The following ITGBL1 variants were observed in gnomAD, a reference collection of about 807,000 sequenced individuals.
The protein encoded by ITGBL1 is integrin subunit beta like 1.
In ITGBL1, 51 loss-of-function variants were observed where a neutral mutation model predicts 68.5. The ratio of observed to expected loss-of-function variants is 0.74; its 90% CI spans 0.59 to 0.94. The LOEUF (loss-of-function observed/expected upper bound fraction) is 0.94, where lower values mean the gene tolerates loss of function less well. Ranked by LOEUF, ITGBL1 falls within the 40% of genes least tolerant of loss-of-function variation. ITGBL1 has a pLI of 0.00. For missense variants in ITGBL1, 649 were observed against 647.4 expected, an observed-to-expected ratio of 1.00 and a Z score of -0.03; for synonymous variants, 209 against 227.3, an observed-to-expected ratio of 0.92 and a Z score of 0.72.
chr13:101,544,926 C>A (rs1171095069), intron 2 of ITGBL1, among the ~76,000 whole-genome samples: 1 of 152,178 alleles, frequency 6.6e-6, no homozygotes, highest in Non-Finnish European at 1.5e-5. Context: ...GGAAAAGTGA[C>A]CCGATTTTCC....
chr13:101,459,250 T>TG (rs1300569059), intron 2 of ITGBL1, among the ~76,000 whole-genome samples: 2 of 152,336 alleles, frequency 1.3e-5, no homozygotes, highest in East Asian at 3.9e-4. Flanking sequence ...ATTGTTAACG[T>TG]GGGTTAACTT....
chr13:101,693,783 C>T (rs1222306567), intron 8 of ITGBL1, among the ~76,000 whole-genome samples: 1 of 152,140 alleles, frequency 6.6e-6, no homozygotes, highest in Non-Finnish European at 1.5e-5. Context: ...TCTTTCCTTT[C>T]TCTGTGAGTT....
chr13:101,652,722 T>G (rs2032789314), intron 7 of ITGBL1, among the ~76,000 whole-genome samples: 1 of 152,188 alleles, frequency 6.6e-6, no homozygotes, highest in African/African-American at 2.4e-5. Context: ...GTTCAAGAAG[T>G]GTTTCCTCAG....
At chr13:101,662,878 T>C (rs779348752) in intron 7 of ITGBL1, among the ~76,000 whole-genome samples, 1 of 152,182 alleles carries the variant, frequency 6.6e-6, no homozygotes, top group Non-Finnish European at 1.5e-5. Flanking sequence ...TCCATGATTT[T>C]TTGACTATTC....
At chr13:101,577,930 G>A (rs552270665) in intron 4 of ITGBL1, among the ~76,000 whole-genome samples, 144 of 152,204 alleles carry the variant, frequency 9.5e-4, no homozygotes, top group African/African-American at 3.2e-3. Flanking sequence ...AATTCATTGT[G>A]GAAATGGTCA....
intron 2 of ITGBL1, among the ~76,000 whole-genome samples, chr13:101,459,211 G>A (rs2048285295): frequency 1.3e-5 from 2 of 152,132 alleles, no homozygotes; most frequent in South Asian, 2.1e-4. Context: ...TGGCCACCAC[G>A]TTTGGGGCAG....
At chr13:101,583,774 A>G (rs1342499832) in intron 6 of ITGBL1, among the ~76,000 whole-genome samples, 1 of 152,230 alleles carries the variant, frequency 6.6e-6, no homozygotes, top group African/African-American at 2.4e-5. Flanking sequence ...TGTGTATTCT[A>G]AAGCATCTTA....
At chr13:101,473,877 G>A (rs2048498323) in intron 2 of ITGBL1, among the ~76,000 whole-genome samples, 1 of 152,150 alleles carries the variant, frequency 6.6e-6, no homozygotes, top group African/African-American at 2.4e-5. Flanking sequence ...GAAGGACCCA[G>A]TGCTGGCAGA....
intron 2 of ITGBL1, among the ~76,000 whole-genome samples, chr13:101,476,509 A>G (rs9585710): frequency 0.13 from 20,203 of 152,020 alleles, 2,186 homozygotes; most frequent in East Asian, 0.38. Context: ...TTGAATATAA[A>G]TGGACTAAAC....
At chr13:101,505,544 G>C (rs1411667720) in intron 2 of ITGBL1, among the ~76,000 whole-genome samples, 2 of 152,166 alleles carry the variant, frequency 1.3e-5, no homozygotes, top group Non-Finnish European at 2.9e-5. Context: ...TATTCAATCT[G>C]TATTGAAATG....
intron 7 of ITGBL1, among the ~76,000 whole-genome samples, chr13:101,616,920 T>C (rs544637746): frequency 2.0e-5 from 3 of 152,130 alleles, no homozygotes; most frequent in Admixed American, 1.3e-4. Context: ...CCCCAGAGGA[T>C]GGTTAGGTAT....
chr13:101,604,846 A>ATATATATATATATATATG (rs2030600805), intron 7 of ITGBL1, among the ~76,000 whole-genome samples: 1 of 17,472 alleles, frequency 5.7e-5, no homozygotes. Context: ...GGTGAAGGCA[A>ATATATATATATATATATG]TATATATATA....
At chr13:101,510,501 T>C (rs2049098652) in intron 2 of ITGBL1, among the ~76,000 whole-genome samples, 1 of 152,160 alleles carries the variant, frequency 6.6e-6, no homozygotes, top group African/African-American at 2.4e-5. Context: ...TATATTCCTT[T>C]GGATATATAC....
chr13:101,653,011 G>C (rs1308473789), intron 7 of ITGBL1, among the ~76,000 whole-genome samples: 1 of 152,046 alleles, frequency 6.6e-6, no homozygotes, highest in East Asian at 1.9e-4. Context: ...CAGGAGAATT[G>C]CTCGAACCCG....
At chr13:101,615,747 C>A (rs896697317) in intron 7 of ITGBL1, among the ~76,000 whole-genome samples, 1 of 151,950 alleles carries the variant, frequency 6.6e-6, no homozygotes, top group South Asian at 2.1e-4. Flanking sequence ...CATGATGGCA[C>A]CACTGCAATT....
At chr13:101,482,463 C>G (rs988635311) in intron 2 of ITGBL1, among the ~76,000 whole-genome samples, 2 of 151,684 alleles carry the variant, frequency 1.3e-5, no homozygotes, top group Non-Finnish European at 2.9e-5. Flanking sequence ...ATATCAGAAA[C>G]CTACTCTCTT....
chr13:101,714,790 C>T, intron 10 of ITGBL1: 1 of 510,552 alleles, frequency 2.0e-6, no homozygotes, highest in East Asian at 3.2e-5. Context: ...GATCCTTCCA[C>T]AAAGTAACCT....
intron 7 of ITGBL1, among the ~76,000 whole-genome samples, chr13:101,602,081 G>T (rs900115656): frequency 3.9e-5 from 6 of 151,918 alleles, no homozygotes; most frequent in African/African-American, 1.4e-4. Context: ...TTAGCCTTAA[G>T]GTATGTTCAA....
At chr13:101,639,084 T>C (rs2217902) in intron 7 of ITGBL1, among the ~76,000 whole-genome samples, 16,167 of 152,142 alleles carry the variant, frequency 0.11, 1,157 homozygotes, top group African/African-American at 0.2. Flanking sequence ...AACGCCCCAG[T>C]CCTGTCTCCT....
Sources: allele counts gnomAD v4.1 joint callset (sites outside exome capture counted in the v4.1 genomes callset), GRCh38; gene constraint gnomAD v4.1.1; transcripts MANE v1.5; gene names NCBI Gene and HGNC (gene_info 2026-07-23, HGNC 2026-07-21).